Variants in PLEKHH2 observed in about 807,000 individuals in gnomAD.
PLEKHH2 encodes pleckstrin homology domain-containing family H member 2.
Under a neutral mutation model 187.9 loss-of-function variants are expected in PLEKHH2, and 129 were observed. The ratio of observed to expected loss-of-function variants is 0.69; its 90% CI spans 0.59 to 0.79. The LOEUF is 0.79. Ranked by LOEUF, PLEKHH2 falls within the 30% of genes least tolerant of loss-of-function variation. The pLI is 0.00. For synonymous variants in PLEKHH2, 686 were observed against 605.6 expected, an observed-to-expected ratio of 1.13 and a Z score of -1.95; for missense variants, 2,076 against 1,751.2, an observed-to-expected ratio of 1.19 and a Z score of -3.31.
intron 16 of PLEKHH2, among the ~76,000 whole-genome samples, chr2:43,722,870 C>T (rs1002097872): frequency 6.6e-6 from 1 of 152,072 alleles, no homozygotes; most frequent in Non-Finnish European, 1.5e-5. Flanking sequence ...GATACATAAA[C>T]AGAAATCCAT....
At chr2:43,670,403 A>G (rs910079006) in intron 2 of PLEKHH2, among the ~76,000 whole-genome samples, 1 of 152,220 alleles carries the variant, frequency 6.6e-6, no homozygotes, top group Non-Finnish European at 1.5e-5. Context: ...TCAGTCAACT[A>G]GAGTAGGGAG....
At chr2:43,671,588 T>C (rs193252378) in intron 2 of PLEKHH2, among the ~76,000 whole-genome samples, 1 of 152,354 alleles carries the variant, frequency 6.6e-6, no homozygotes, top group East Asian at 1.9e-4. Flanking sequence ...ATGTTAGTTA[T>C]AGGTTTTTTT....
In PLEKHH2 at chr2:43,762,296, C is replaced by T. The variant is rs772268908; in HGVS notation, c.4072-8C>T. On this transcript the variant is annotated splice_region_variant and splice_polypyrimidine_tract_variant and intron_variant, in intron 27 of 29. Transcript: ENST00000282406. ...TTTATAATATAGTGTATTTTCACCT[C>T]TTCATAGCCCATAACTCCATCATCA... 1 of 1,601,272 alleles carries T rather than the reference C, an allele frequency of 6.2e-7. No individual in the cohort carries two copies. Among genetic ancestry groups the T allele is most frequent in the Middle Eastern group, 1.7e-4 (1 of 6,048 alleles).
intron 2 of PLEKHH2, among the ~76,000 whole-genome samples, chr2:43,667,020 G>T (rs1287814424): frequency 6.6e-6 from 1 of 152,070 alleles, no homozygotes; most frequent in Non-Finnish European, 1.5e-5. Flanking sequence ...CTTAAAATGG[G>T]TATAAAGTCC....
At chr2:43,675,531 T>C (rs1180269034) in intron 2 of PLEKHH2, 2 of 1,614,032 alleles carry the variant, frequency 1.2e-6, no homozygotes, top group Non-Finnish European at 1.7e-6. Flanking sequence ...AGCAGCCTTC[T>C]ACTACTTGCT....
intron 23 of PLEKHH2, among the ~76,000 whole-genome samples, chr2:43,744,491 T>C (rs1671694195): frequency 6.6e-6 from 1 of 152,156 alleles, no homozygotes; most frequent in Non-Finnish European, 1.5e-5. Flanking sequence ...GAGAGTGCTG[T>C]GAACTTTGCA....
At chr2:43,705,395 A>G (rs1168227123) in intron 9 of PLEKHH2, among the ~76,000 whole-genome samples, 1 of 151,230 alleles carries the variant, frequency 6.6e-6, no homozygotes, top group Non-Finnish European at 1.5e-5. Flanking sequence ...AGTTAGGATG[A>G]CAGGTGCATA....
chr2:43,684,617 C>T (rs904696141), intron 3 of PLEKHH2, among the ~76,000 whole-genome samples: 2 of 151,966 alleles, frequency 1.3e-5, no homozygotes, highest in African/African-American at 2.4e-5. Flanking sequence ...TCCTTGTTCC[C>T]GATTCAAGGG....
In PLEKHH2 at chr2:43,704,925, C is replaced by A. The variant is rs138486555; in HGVS notation, c.1726+869C>A. On this transcript the variant is annotated intron_variant, in intron 9 of 29. Coordinates refer to ENST00000282406, the MANE Select transcript of PLEKHH2 (RefSeq NM_172069.4). ...CTCAACTCTGATGTATATTTTTTTA[C>A]CTGAGAGAGACTAAATCAGAGAAAC... Among the ~76,000 whole-genome samples, 479 of 152,040 alleles carry A rather than the reference C, an allele frequency of 3.2e-3. 2 individuals carry two copies. The highest frequency in any genetic ancestry group is 0.01 in the African/African-American group (430 of 41,454).
chr2:43,671,354 A>G (rs1667491112), intron 2 of PLEKHH2, among the ~76,000 whole-genome samples: 1 of 152,162 alleles, frequency 6.6e-6, no homozygotes, highest in Non-Finnish European at 1.5e-5. Flanking sequence ...TGGCCTTAAT[A>G]AACTCATTTA....
intron 25 of PLEKHH2, among the ~76,000 whole-genome samples, chr2:43,754,247 G>T (rs1043038391): frequency 2.7e-5 from 4 of 150,902 alleles, no homozygotes; most frequent in Non-Finnish European, 5.9e-5. Context: ...TATATTTAGC[G>T]CTCACATAGA....
chr2:43,692,832 C>T (rs1668877820), intron 4 of PLEKHH2, among the ~76,000 whole-genome samples, 169 bp downstream of exon 4: 1 of 152,186 alleles, frequency 6.6e-6, no homozygotes, highest in Non-Finnish European at 1.5e-5. Flanking sequence ...AGTAAAATGG[C>T]ATTCCTTTAA....
At chr2:43,709,074 G>T (rs568976389) in intron 11 of PLEKHH2, among the ~76,000 whole-genome samples, 1 of 152,156 alleles carries the variant, frequency 6.6e-6, no homozygotes, top group Non-Finnish European at 1.5e-5. Flanking sequence ...CTCATGAAAT[G>T]TGGCTTGCAA....
At chr2:43,759,823 G>A (rs2104626101) in intron 27 of PLEKHH2, among the ~76,000 whole-genome samples, 1 of 152,292 alleles carries the variant, frequency 6.6e-6, no homozygotes, top group Non-Finnish European at 1.5e-5. Context: ...CTGAATAGCT[G>A]TGCAACTTTG....
At chr2:43,739,260 C>A (rs1671447734) in intron 20 of PLEKHH2, among the ~76,000 whole-genome samples, 1 of 152,124 alleles carries the variant, frequency 6.6e-6, no homozygotes, top group African/African-American at 2.4e-5. Flanking sequence ...CCTATATCTT[C>A]AACAACATTC....
At chr2:43,671,408 C>T (rs553679998) in intron 2 of PLEKHH2, among the ~76,000 whole-genome samples, 8 of 151,880 alleles carry the variant, frequency 5.3e-5, no homozygotes, top group Non-Finnish European at 8.8e-5. Context: ...TGTAGATACT[C>T]ATGTCATCTG....
At chr2:43,648,308 C>G (rs1465083587) in intron 2 of PLEKHH2, among the ~76,000 whole-genome samples, 1 of 151,882 alleles carries the variant, frequency 6.6e-6, no homozygotes, top group African/African-American at 2.4e-5. Context: ...TCTGCCTCAG[C>G]CTAATGAGTA....
rs1216766397 is a variant in PLEKHH2, at chr2:43,700,036, T to C, written c.1078T>C (p.Trp360Arg). 2 of 1,614,158 alleles carry C rather than the reference T, an allele frequency of 1.2e-6. No individual in the cohort carries two copies. Among genetic ancestry groups the C allele is most frequent in the East Asian group, 2.2e-5 (1 of 44,882 alleles). ...KLYSWQQEAQ[W>R]KALNSPLGKG... is the part of the protein sequence containing the mutation. ...ATATTCTTGGCAGCAGGAGGCACAG[T>C]GGAAAGCTCTAAATAGTCCTCTTGG... Residue 360 changes from tryptophan to arginine, a missense_variant, in exon 8 of 30, where the codon TGG (tryptophan) becomes CGG (arginine). Trp to Arg is a moderately radical substitution (Grantham distance 101). Transcript: ENST00000282406.
At chr2:43,648,274 C>T (rs183155927) in intron 2 of PLEKHH2, among the ~76,000 whole-genome samples, 8 of 152,084 alleles carry the variant, frequency 5.3e-5, no homozygotes, top group Admixed American at 3.3e-4. Flanking sequence ...CTGCAACCTC[C>T]GCCTCCCAGG....
Sources: gnomAD v4.1 joint callset for allele counts (sites outside exome capture counted in the v4.1 genomes callset) on GRCh38, gnomAD v4.1.1 for gene constraint, MANE v1.5 for transcripts, NCBI Gene and HGNC (gene_info 2026-07-23, HGNC 2026-07-21) for gene names.